OPHN1: variants seen among roughly 807,000 people sequenced by gnomAD.
The protein encoded by OPHN1 is oligophrenin-1.
In OPHN1, 11 loss-of-function variants were observed where a neutral mutation model predicts 60.7. That is an observed-to-expected ratio of 0.18 (90% CI 0.11 to 0.30). The LOEUF is 0.30. Ranked by LOEUF, OPHN1 falls within the 10% of genes least tolerant of loss-of-function variation. The pLI is 1.00. For missense variants in OPHN1, 449 were observed against 611.0 expected (o/e 0.73, Z 2.80); for synonymous variants, 226 against 222.6 (o/e 1.02, Z -0.14).
At chrX:68,153,210 C>CA (rs11292214) in intron 15 of OPHN1, among the ~76,000 whole-genome samples, 3,236 of 55,217 alleles carry the variant, frequency 0.059, 92 homozygotes, top group Admixed American at 0.11. Context: ...GACTCCATGT[C>CA]AAAAAAAAAA....
intron 19 of OPHN1, among the ~76,000 whole-genome samples, chrX:68,074,374 G>A (rs1006407561): frequency 1.8e-5 from 2 of 111,737 alleles, no homozygotes; most frequent in African/African-American, 3.3e-5. Flanking sequence ...TTAACAGCAA[G>A]CAGATTAATG....
intron 18 of OPHN1, among the ~76,000 whole-genome samples, chrX:68,109,967 G>C (rs761352634): frequency 9.4e-6 from 1 of 105,831 alleles, no homozygotes; most frequent in African/African-American, 3.4e-5. Flanking sequence ...TGCATGTGTT[G>C]TTTGTATTGG....
At chrX:68,103,755 T>C (rs1463692439) in intron 18 of OPHN1, among the ~76,000 whole-genome samples, 7 of 103,069 alleles carry the variant, frequency 6.8e-5, no homozygotes, top group South Asian at 4.4e-4. Context: ...CCTTTGAAAA[T>C]AGGCACAAGA....
intron 3 of OPHN1, among the ~76,000 whole-genome samples, chrX:68,288,973 A>G (rs1212143562): frequency 2.7e-5 from 3 of 111,011 alleles, no homozygotes; most frequent in Non-Finnish European, 3.8e-5. Flanking sequence ...AGGCAATAAA[A>G]GCTTTAGTGA....
intron 2 of OPHN1, among the ~76,000 whole-genome samples, chrX:68,368,101 T>C (rs1463348381): frequency 8.9e-6 from 1 of 111,969 alleles, no homozygotes; most frequent in East Asian, 2.8e-4. Context: ...CCAAAAACAC[T>C]GCACGCTGAC....
In OPHN1 at chrX:68,064,129, T is replaced by C; in HGVS notation, c.1883A>G (p.Glu628Gly). The change falls in exon 21 of 25, where the codon GAA becomes GGA. Residue 628 changes from glutamate (E) to glycine (G), a missense_variant. Around this residue, in one of 4 missense-constraint regions of OPHN1, gnomAD observed 184 missense variants for 160.5 expected, o/e 1.15. Coordinates refer to ENST00000355520, the MANE Select transcript of OPHN1 (RefSeq NM_002547.3). ...TPNGTITSSI[E>G]PPKPPQHPKL... is the part of the protein sequence containing the mutation. ...GGGGTGTTGTGGTGGCTTGGGGGGT[T>C]CTATGCTGCTGGTGATAGTACCATT... 1 of 1,211,181 alleles carries C rather than the reference T, an allele frequency of 8.3e-7. No homozygotes were observed. The highest frequency in any genetic ancestry group is 1.1e-6 in the Non-Finnish European group (1 of 895,268).
intron 3 of OPHN1, among the ~76,000 whole-genome samples, chrX:68,283,663 A>G (rs141783777): frequency 0.01 from 1,121 of 112,093 alleles, 4 homozygotes; most frequent in Non-Finnish European, 0.016. Flanking sequence ...CAGAAATTCA[A>G]TGTCTTTATA....
intron 18 of OPHN1, among the ~76,000 whole-genome samples, chrX:68,109,568 T>C (rs1016054256): frequency 1.1e-4 from 12 of 111,904 alleles, no homozygotes; most frequent in Non-Finnish European, 1.3e-4. Context: ...ATGGCAACTC[T>C]ACATTTAACT....
intron 2 of OPHN1, among the ~76,000 whole-genome samples, chrX:68,414,867 C>T (rs895226995): frequency 8.9e-6 from 1 of 112,128 alleles, no homozygotes; most frequent in Non-Finnish European, 1.9e-5. Context: ...AGTAACCTAA[C>T]TTCAACCAAG....
chrX:68,132,982 G>GC, intron 15 of OPHN1: 1 of 464,202 alleles, frequency 2.2e-6, no homozygotes, highest in Non-Finnish European at 3.9e-6. Context: ...CGGGCCTCAG[G>GC]CCCCCGGACG....
chrX:68,274,600 GCA>G, intron 5 of OPHN1, 136 bp downstream of exon 5: 1 of 377,568 alleles, frequency 2.6e-6, no homozygotes. Context: ...CATTTATTTT[GCA>G]CAGTTTAGGA....
chrX:68,384,108 T>G (rs761724035), intron 2 of OPHN1, among the ~76,000 whole-genome samples: 1 of 111,960 alleles, frequency 8.9e-6, no homozygotes, highest in Admixed American at 9.5e-5. Context: ...TACATTGCAT[T>G]TCAACTTTTA....
intron 18 of OPHN1, among the ~76,000 whole-genome samples, chrX:68,101,042 A>C (rs1411776105): frequency 9.0e-6 from 1 of 111,515 alleles, no homozygotes; most frequent in Non-Finnish European, 1.9e-5. Flanking sequence ...CACCGTGCCC[A>C]GCGAAATGGT....
intron 2 of OPHN1, among the ~76,000 whole-genome samples, chrX:68,372,541 T>G (rs1915676596): frequency 9.0e-6 from 1 of 111,550 alleles, no homozygotes; most frequent in Admixed American, 9.6e-5. Flanking sequence ...TCTCTCTCAT[T>G]CTTATTGTAA....
chrX:68,260,629 A>AACCAAGT (rs1207982694), intron 5 of OPHN1, among the ~76,000 whole-genome samples: 1 of 111,569 alleles, frequency 9.0e-6, no homozygotes, highest in African/African-American at 3.3e-5. Flanking sequence ...AAAGGACATA[A>AACCAAGT]ACCAAGTACC....
intron 19 of OPHN1, among the ~76,000 whole-genome samples, chrX:68,083,629 GCTAA>G (rs1269185210): frequency 8.9e-6 from 1 of 112,171 alleles, no homozygotes; most frequent in Non-Finnish European, 1.9e-5. Context: ...TTACAACTTG[GCTAA>G]CTGTTTGGCA....
chrX:68,171,041 C>A (rs1397723029), intron 15 of OPHN1, among the ~76,000 whole-genome samples: 4 of 110,929 alleles, frequency 3.6e-5, no homozygotes, highest in Non-Finnish European at 7.6e-5. Context: ...AAAGAATGAA[C>A]AGACTTAGTA....
chrX:68,380,514 G>A (rs1168367000), intron 2 of OPHN1, among the ~76,000 whole-genome samples: 1 of 111,337 alleles, frequency 9.0e-6, no homozygotes, highest in Non-Finnish European at 1.9e-5. Context: ...TCTTTTAGTT[G>A]TGATGTTAGG....
chrX:68,134,546 C>T (rs1431705632), intron 15 of OPHN1, among the ~76,000 whole-genome samples: 3 of 111,036 alleles, frequency 2.7e-5, no homozygotes, highest in East Asian at 2.8e-4. Flanking sequence ...ATGGAGTCGG[C>T]GCTCACCTCA....
Sources: allele counts gnomAD v4.1 joint callset (sites outside exome capture counted in the v4.1 genomes callset), GRCh38; gene constraint gnomAD v4.1.1; regional missense constraint gnomAD v4.1.1; transcripts MANE v1.5; gene names NCBI Gene and HGNC (gene_info 2026-07-23, HGNC 2026-07-21).